RSRC1: variants seen among roughly 807,000 people sequenced by gnomAD.
The protein encoded by RSRC1 is serine/Arginine-related protein 53.
In RSRC1, 39 loss-of-function variants were observed where a neutral mutation model predicts 49.1. That is an observed-to-expected ratio of 0.79 (90% CI 0.61 to 1.04). RSRC1 has a LOEUF of 1.04. Among genes scored for constraint, RSRC1 ranks in the 50% least tolerant of loss-of-function variants. RSRC1 has a pLI of 0.00. For missense variants in RSRC1, 388 were observed against 402.4 expected (o/e 0.96, Z 0.31); for synonymous variants, 143 against 130.8 (o/e 1.09, Z -0.63).
intron 6 of RSRC1, among the ~76,000 whole-genome samples, chr3:158,448,860 T>C (rs1736872725): frequency 6.6e-6 from 1 of 151,856 alleles, no homozygotes; most frequent in Admixed American, 6.6e-5. Flanking sequence ...TGACACAGAA[T>C]AAAATAGTAA....
At chr3:158,149,155 G>A (rs1237841842) in intron 3 of RSRC1, among the ~76,000 whole-genome samples, 1 of 152,128 alleles carries the variant, frequency 6.6e-6, no homozygotes, top group Non-Finnish European at 1.5e-5. Flanking sequence ...CTACTACTGA[G>A]TACAGTTTAT....
chr3:158,533,835 A>G (rs925164479), intron 7 of RSRC1, among the ~76,000 whole-genome samples: 1 of 151,704 alleles, frequency 6.6e-6, no homozygotes, highest in African/African-American at 2.4e-5. Context: ...TGCCATATTA[A>G]CATTATTATA....
At chr3:158,377,784 C>T (rs1025815233) in intron 6 of RSRC1, among the ~76,000 whole-genome samples, 10 of 151,950 alleles carry the variant, frequency 6.6e-5, no homozygotes, top group African/African-American at 2.2e-4. Context: ...CTCAGCCTCC[C>T]GAGTAGCTGA....
At chr3:158,317,672 CCTCAGCCTCCCAA>C (rs1378792923) in intron 5 of RSRC1, among the ~76,000 whole-genome samples, 1 of 152,138 alleles carries the variant, frequency 6.6e-6, no homozygotes, top group Non-Finnish European at 1.5e-5. Context: ...AGTCCTCCCA[CCTCAGCCTCCCAA>C]GTAGGTGAGA....
chr3:158,381,044 A>C (rs1732669476), intron 6 of RSRC1, among the ~76,000 whole-genome samples: 1 of 152,224 alleles, frequency 6.6e-6, no homozygotes, highest in Non-Finnish European at 1.5e-5. Flanking sequence ...TGTGAAAATT[A>C]AGAAAAAGTC....
intron 6 of RSRC1, among the ~76,000 whole-genome samples, chr3:158,435,011 GT>G (rs1036864687): frequency 6.6e-6 from 1 of 151,852 alleles, no homozygotes; most frequent in African/African-American, 2.4e-5. Flanking sequence ...CTCATTAAGT[GT>G]TTTTTATTTA....
chr3:158,410,856 T>A (rs904196995), intron 6 of RSRC1, among the ~76,000 whole-genome samples: 1 of 152,098 alleles, frequency 6.6e-6, no homozygotes, highest in Admixed American at 6.6e-5. Flanking sequence ...TTATTGTAAA[T>A]CAGTACTTGT....
At chr3:158,434,575 A>G (rs938385899) in intron 6 of RSRC1, among the ~76,000 whole-genome samples, 3 of 152,008 alleles carry the variant, frequency 2.0e-5, no homozygotes, top group African/African-American at 7.2e-5. Flanking sequence ...AACAGACAGA[A>G]GAAGCAGACA....
chr3:158,277,347 C>T (rs1335138607), intron 4 of RSRC1, among the ~76,000 whole-genome samples: 1 of 152,072 alleles, frequency 6.6e-6, no homozygotes, highest in African/African-American at 2.4e-5. Flanking sequence ...ATAGGTATTG[C>T]CAAATTTGAT....
chr3:158,239,477 C>T (rs1723439795), intron 4 of RSRC1, among the ~76,000 whole-genome samples: 1 of 150,356 alleles, frequency 6.7e-6, no homozygotes, highest in African/African-American at 2.5e-5. Context: ...CAGAAATAGA[C>T]TGGATTAAGA....
chr3:158,328,155 C>G (rs1400336425), intron 5 of RSRC1, among the ~76,000 whole-genome samples: 1 of 152,134 alleles, frequency 6.6e-6, no homozygotes, highest in African/African-American at 2.4e-5. Flanking sequence ...TTCCTGAATA[C>G]AGCACACTGA....
At chr3:158,307,203 T>C (rs548874481) in intron 5 of RSRC1, among the ~76,000 whole-genome samples, 10 of 152,048 alleles carry the variant, frequency 6.6e-5, no homozygotes, top group Admixed American at 5.2e-4. Flanking sequence ...TTTACTGCTT[T>C]TACTTGGAAA....
chr3:158,200,527 TA>T (rs1720982978), intron 3 of RSRC1, among the ~76,000 whole-genome samples: 1 of 152,214 alleles, frequency 6.6e-6, no homozygotes, highest in Non-Finnish European at 1.5e-5. Context: ...TCTATCATTT[TA>T]TGATTATTTT....
At chr3:158,287,574 G>A (rs1726646040) in intron 4 of RSRC1, among the ~76,000 whole-genome samples, 1 of 152,016 alleles carries the variant, frequency 6.6e-6, no homozygotes. Context: ...AAAAATAAGG[G>A]ATAAGTTAGC....
chr3:158,503,220 A>G (rs1204739145), intron 7 of RSRC1, among the ~76,000 whole-genome samples: 1 of 152,122 alleles, frequency 6.6e-6, no homozygotes, highest in Non-Finnish European at 1.5e-5. Flanking sequence ...CTGTCTGCAC[A>G]GAGTCCTATG....
chr3:158,367,942 A>C (rs1229468279), intron 6 of RSRC1, among the ~76,000 whole-genome samples: 2 of 152,218 alleles, frequency 1.3e-5, no homozygotes, highest in Non-Finnish European at 2.9e-5. Flanking sequence ...GAGAATCTCT[A>C]AGTAAATTGC....
chr3:158,543,678 C>G (rs923970524), intron 9 of RSRC1, 191 bp downstream of exon 9: 7 of 488,378 alleles, frequency 1.4e-5, no homozygotes, highest in Non-Finnish European at 1.8e-5. Flanking sequence ...TAGGGTCCAA[C>G]TCATGTTGCC....
chr3:158,368,788 A>C (rs1731913296), intron 6 of RSRC1, among the ~76,000 whole-genome samples: 1 of 152,184 alleles, frequency 6.6e-6, no homozygotes, highest in African/African-American at 2.4e-5. Context: ...ATTACCCTTT[A>C]ATATCTTTAA....
chr3:158,521,677 G>A (rs945336473), intron 7 of RSRC1, among the ~76,000 whole-genome samples: 8 of 125,800 alleles, frequency 6.4e-5, no homozygotes, highest in African/African-American at 9.8e-5. Flanking sequence ...CTTGTAAATA[G>A]AGCTGGAGTT....
Sources: allele counts gnomAD v4.1 joint callset (sites outside exome capture counted in the v4.1 genomes callset), GRCh38; gene constraint gnomAD v4.1.1; transcripts MANE v1.5; gene names NCBI Gene and HGNC (gene_info 2026-07-23, HGNC 2026-07-21).